The following DNMT3B variants were observed in gnomAD, a reference collection of about 807,000 sequenced individuals.
The protein encoded by DNMT3B is DNA (cytosine-5)-methyltransferase 3B.
Under a neutral mutation model 120.2 loss-of-function variants are expected in DNMT3B, and 37 were observed. The observed-to-expected ratio is 0.31, with a 90% CI of 0.24 to 0.40. The LOEUF (loss-of-function observed/expected upper bound fraction) is 0.40. Ranked by LOEUF, DNMT3B falls within the 10% of genes least tolerant of loss-of-function variation. The probability of loss-of-function intolerance (pLI) is 1.00; values close to 1 mark genes in which losing one functional copy is unlikely to be tolerated. For missense variants in DNMT3B, 878 were observed against 1,137.3 expected, an observed-to-expected ratio of 0.77 and a Z score of 3.28; for synonymous variants, 412 against 442.8, an observed-to-expected ratio of 0.93 and a Z score of 0.87.
chr20:32,797,328 T>C (rs1383673033), intron 14 of DNMT3B, 29 bp downstream of exon 14: 4 of 1,607,366 alleles, frequency 2.5e-6, no homozygotes, highest in African/African-American at 1.3e-5. Flanking sequence ...GGGGTGGATG[T>C]GGGTGGGCCC....
chr20:32,775,328 CAATT>C (rs1988013481), intron 1 of DNMT3B, among the ~76,000 whole-genome samples: 1 of 152,206 alleles, frequency 6.6e-6, no homozygotes, highest in African/African-American at 2.4e-5. Context: ...TTAATTAATG[CAATT>C]AACATTTACG....
At chr20:32,777,057 C>T (rs971537608) in intron 1 of DNMT3B, among the ~76,000 whole-genome samples, 4 of 152,084 alleles carry the variant, frequency 2.6e-5, no homozygotes, top group East Asian at 1.9e-4. Flanking sequence ...TCACTACAAA[C>T]GTAGGGTCGT....
rs746150598 is a variant in DNMT3B at position 32,798,478 on chromosome 20, C to T, written c.1509C>T (p.Cys503=). 397 of 1,614,102 alleles carry T rather than the reference C, an allele frequency of 2.5e-4. No individual in the cohort carries two copies. The highest frequency in any genetic ancestry group is 3.3e-4 in the Non-Finnish European group (387 of 1,180,052). Residue 503 remains cysteine (C), a synonymous_variant, in exon 15 of 23, where the codon TGC becomes TGT. Transcript: ENST00000328111. ...GGTCCAGGTGTTTCTGTGTGGAGTG[C>T]CTGGAGGTGCTGGTGGGCACAGGCA... ...TSCCRCFCVE[C]LEVLVGTGTA... is the part of the protein sequence containing the mutation.
chr20:32,786,447 AG>A, intron 4 of DNMT3B, 54 bp from the exon 5 acceptor site: 1 of 1,612,962 alleles, frequency 6.2e-7, no homozygotes, highest in South Asian at 1.1e-5. Context: ...TGGCCCCGCC[AG>A]ACCCCAGGCC....
intron 1 of DNMT3B, among the ~76,000 whole-genome samples, chr20:32,771,635 C>CAA (rs10625883): frequency 0.53 from 46,387 of 87,428 alleles, 11,954 homozygotes; most frequent in East Asian, 0.94. Flanking sequence ...GACCGCATCT[C>CAA]AAAAAAAAAA....
intron 14 of DNMT3B, among the ~76,000 whole-genome samples, chr20:32,797,545 G>A (rs1980790318): frequency 6.6e-6 from 1 of 152,212 alleles, no homozygotes; most frequent in Non-Finnish European, 1.5e-5. Context: ...TGCCCAGGGT[G>A]TACAGTGACA....
intron 7 of DNMT3B, among the ~76,000 whole-genome samples, chr20:32,789,279 A>AGT (rs1362091192): frequency 6.6e-6 from 1 of 152,180 alleles, no homozygotes; most frequent in Non-Finnish European, 1.5e-5. Context: ...CAGAATCATC[A>AGT]GTGTGGACTC....
chr20:32,780,044 T>C (rs985895540), intron 1 of DNMT3B: 2 of 1,583,796 alleles, frequency 1.3e-6, no homozygotes, highest in African/African-American at 2.7e-5. Context: ...AGTCTGAGCC[T>C]GAGACCCCAG....
intron 1 of DNMT3B, among the ~76,000 whole-genome samples, chr20:32,773,940 T>TTTTG (rs1987906283): frequency 7.1e-6 from 1 of 141,748 alleles, no homozygotes; most frequent in Non-Finnish European, 1.5e-5. Flanking sequence ...AGTGGTTTTT[T>TTTTG]TTTTTTTTTT....
chr20:32,798,526 G>A lies in DNMT3B; in HGVS notation c.1557G>A (p.Gln519=), dbSNP rs150314851. ...GTGTAAEAKL[Q]EPWSCYMCLP... is the part of the protein sequence containing the mutation. ...GCACAGCGGCCGAGGCCAAGCTTCA[G>A]GAGCCCTGGAGCTGTTACATGTGTC... Residue 519 remains glutamine (Q), a synonymous_variant, in exon 15 of 23, where the codon CAG becomes CAA. Coordinates refer to ENST00000328111, the MANE Select transcript of DNMT3B (RefSeq NM_006892.4). 1,467 of 1,614,216 alleles carry A rather than the reference G, an allele frequency of 9.1e-4. 8 individuals carry two copies. In the African/African-American group the frequency reaches 0.012, roughly 14 times the overall value.
At chr20:32,774,748 C>G (rs1987980194) in intron 1 of DNMT3B, among the ~76,000 whole-genome samples, 2 of 151,656 alleles carry the variant, frequency 1.3e-5, no homozygotes, top group African/African-American at 2.4e-5. Flanking sequence ...GATGGAGTCT[C>G]CCCCTTGTCG....
intron 17 of DNMT3B, 27 bp downstream of exon 17, chr20:32,800,325 C>G: frequency 6.2e-7 from 1 of 1,613,712 alleles, no homozygotes; most frequent in Non-Finnish European, 8.5e-7. Context: ...CCTTGCGGGC[C>G]TCATCTCTTC....
chr20:32,769,596 A>G (rs1435424523), intron 1 of DNMT3B, among the ~76,000 whole-genome samples: 1 of 152,086 alleles, frequency 6.6e-6, no homozygotes, highest in East Asian at 1.9e-4. Flanking sequence ...AGTGGTTTTT[A>G]TGTGAGATCA....
chr20:32,783,138 G>C (rs1056881040), intron 3 of DNMT3B, among the ~76,000 whole-genome samples: 1 of 152,216 alleles, frequency 6.6e-6, no homozygotes, highest in Non-Finnish European at 1.5e-5. Context: ...TGTTGGCCAG[G>C]CTGGTCTCGA....
chr20:32,805,605 G>A (rs903632742), intron 21 of DNMT3B, among the ~76,000 whole-genome samples, 198 bp downstream of exon 21: 31 of 152,102 alleles, frequency 2.0e-4, no homozygotes, highest in African/African-American at 7.2e-4. Flanking sequence ...AAGTAATCAC[G>A]ACGAGAAAAG....
intron 2 of DNMT3B, 21 bp from the exon 3 acceptor site, chr20:32,781,332 T>C (rs746379478): frequency 2.7e-6 from 4 of 1,505,506 alleles, no homozygotes; most frequent in African/African-American, 2.3e-5. Context: ...CAAAACAGAC[T>C]CCTGGCTGTT....
At chr20:32,795,787 A>AC in intron 12 of DNMT3B, 93 bp downstream of exon 12, 1 of 1,529,088 alleles carries the variant, frequency 6.5e-7, no homozygotes, top group South Asian at 1.1e-5. Flanking sequence ...TCAGGGTTTA[A>AC]CCCAGAGCTC....
intron 1 of DNMT3B, among the ~76,000 whole-genome samples, chr20:32,763,087 C>T (rs1182615475): frequency 6.6e-5 from 10 of 152,118 alleles, no homozygotes. Flanking sequence ...TGAACAGGGG[C>T]TTTGCTCATG....
At chr20:32,796,965 C>A (rs1025314821) in intron 13 of DNMT3B, 96 bp downstream of exon 13, 1 of 1,613,606 alleles carries the variant, frequency 6.2e-7, no homozygotes, top group Non-Finnish European at 8.5e-7. Flanking sequence ...CTCAGTGAAG[C>A]CCACTCATCC....
Sources: allele counts gnomAD v4.1 joint callset (sites outside exome capture counted in the v4.1 genomes callset), GRCh38; gene constraint gnomAD v4.1.1; transcripts MANE v1.5; gene names NCBI Gene and HGNC (gene_info 2026-07-23, HGNC 2026-07-21).